CCDC88C: variants seen among roughly 807,000 people sequenced by gnomAD.
The protein encoded by CCDC88C is coiled-coil and HOOK domain protein 88C.
CCDC88C carries 131 observed loss-of-function variants against 198.8 expected under a neutral mutation model. The ratio of observed to expected loss-of-function variants is 0.66; its 90% CI spans 0.57 to 0.76. The LOEUF is 0.76. Ranked by LOEUF, CCDC88C falls within the 30% of genes least tolerant of loss-of-function variation. CCDC88C has a pLI of 0.00. For synonymous variants in CCDC88C, 1,166 were observed against 1,114.7 expected, an observed-to-expected ratio of 1.05 and a Z score of -0.92; for missense variants, 2,553 against 2,631.6, an observed-to-expected ratio of 0.97 and a Z score of 0.65.
chr14:91,387,186 G>A (rs1885198126), intron 3 of CCDC88C, among the ~76,000 whole-genome samples: 1 of 152,112 alleles, frequency 6.6e-6, no homozygotes, highest in East Asian at 1.9e-4. Flanking sequence ...CAACCACGGG[G>A]CTCTAAACAC....
chr14:91,343,088 G>A (rs568132347), intron 5 of CCDC88C, among the ~76,000 whole-genome samples: 12 of 152,232 alleles, frequency 7.9e-5, no homozygotes, highest in Admixed American at 3.9e-4. Flanking sequence ...CCGAGTAGCC[G>A]GGACTACAGG....
chr14:91,379,718 A>C, intron 3 of CCDC88C: 1 of 652,160 alleles, frequency 1.5e-6, no homozygotes, highest in Non-Finnish European at 2.8e-6. Flanking sequence ...AAGAGCCCAC[A>C]GTGATGGCCT....
chr14:91,302,843 T>C (rs1423951823), intron 20 of CCDC88C, among the ~76,000 whole-genome samples: 1 of 152,006 alleles, frequency 6.6e-6, no homozygotes, highest in Non-Finnish European at 1.5e-5. Context: ...AGAGAAGGCA[T>C]ACCCCTACAA....
At chr14:91,356,052 A>G (rs1477995893) in intron 4 of CCDC88C, among the ~76,000 whole-genome samples, 1 of 152,188 alleles carries the variant, frequency 6.6e-6, no homozygotes. Context: ...AAGCACACAC[A>G]TGCCCCACCC....
chr14:91,278,187 C>G lies in CCDC88C; in HGVS notation c.4793G>C (p.Arg1598Pro). The change falls in exon 29 of 30, where the codon CGG (arginine) becomes CCG (proline). Residue 1598 changes from arginine to proline, a missense_variant. Coordinates refer to ENST00000389857, the MANE Select transcript of CCDC88C (RefSeq NM_001080414.4). ...GTCTTCGCTGCTGAAGCTCTCAGAC[C>G]GGCCATGGAGCTGCTCGGAGGAGCC... ...LKGSSEQLHGRSESFSSEDLI... is the reference protein window; with the variant it reads ...LKGSSEQLHGPSESFSSEDLI... 2 of 1,608,956 alleles carry G rather than the reference C, an allele frequency of 1.2e-6. No individual in the cohort carries two copies. The highest frequency in any genetic ancestry group is 1.7e-6 in the Non-Finnish European group (2 of 1,177,072).
At chr14:91,354,262 C>T (rs1403202357) in intron 4 of CCDC88C, among the ~76,000 whole-genome samples, 3 of 152,216 alleles carry the variant, frequency 2.0e-5, no homozygotes, top group African/African-American at 7.2e-5. Context: ...AAGTAATTTG[C>T]TAACACCCTG....
chr14:91,294,949 C>T (rs867941648), intron 22 of CCDC88C, among the ~76,000 whole-genome samples: 26 of 152,336 alleles, frequency 1.7e-4, no homozygotes, highest in African/African-American at 5.3e-4. Context: ...TGAACCACCG[C>T]GCCTGGCCTG....
In CCDC88C at chr14:91,277,098, T is replaced by G. The variant is rs1223196727; in HGVS notation, c.5058+824A>C. On this transcript the variant is annotated intron_variant, in intron 29 of 29. Transcript: ENST00000389857. ...GATTCTCCTGCCTCAGCCTCCCGAGTAGTTGGGGTTAAAGGCACCTGCCAC... is the reference window on the plus strand; with the variant it reads ...GATTCTCCTGCCTCAGCCTCCCGAGGAGTTGGGGTTAAAGGCACCTGCCAC... Among the ~76,000 whole-genome samples, 5 of 152,028 alleles carry G rather than the reference T, an allele frequency of 3.3e-5. No homozygotes were observed. The South Asian group carries it at 1.0e-3, about 32-fold the overall frequency.
rs778571700 is a variant in CCDC88C, at chr14:91,308,402, C to T, written c.2955G>A (p.Gln985=). 15 of 1,613,926 alleles carry T rather than the reference C, an allele frequency of 9.3e-6. No individual in the cohort carries two copies. ...GATTTAGGCTCGCTTTCTCTTCCAT[C>T]TGTGCTTCTAAGAGCACAATCTTTT... ...KEEKIVLLEA[Q]MEEKASLNRQ... Residue 985 remains glutamine, a synonymous_variant, in exon 17 of 30, where the codon CAG becomes CAA. Coordinates refer to ENST00000389857, the MANE Select transcript of CCDC88C (RefSeq NM_001080414.4).
At chr14:91,379,247 A>G (rs886428542) in intron 3 of CCDC88C, 3 of 152,526 alleles carry the variant, frequency 2.0e-5, no homozygotes, top group African/African-American at 7.2e-5. Flanking sequence ...AATGTGTGGA[A>G]AGGCTGGGTC....
In CCDC88C at chr14:91,283,547, G is replaced by C. The variant is rs1216923828; in HGVS notation, c.4442-30C>G. The C allele has an allele frequency of 1.9e-6, 3 of 1,585,842 alleles. No homozygotes were observed. In the South Asian group the frequency reaches 3.4e-5, roughly 18 times the overall value. On this transcript the variant is annotated intron_variant, in intron 25 of 29. Transcript: ENST00000389857. ...GGCAGAAGAGGACATTGAGAAATGA[G>C]GCTGCCAAGTCCTGTACCCAGGCTG...
intron 1 of CCDC88C, 36 bp downstream of exon 1, chr14:91,417,595 G>A (rs1486369109): frequency 1.9e-6 from 3 of 1,564,222 alleles, no homozygotes; most frequent in East Asian, 2.4e-5. Flanking sequence ...AGAAGCCGGT[G>A]CACCAACAAA....
intron 24 of CCDC88C, 49 bp from the exon 25 acceptor site, chr14:91,289,392 C>G (rs757069014): frequency 4.6e-5 from 68 of 1,492,886 alleles, no homozygotes; most frequent in Non-Finnish European, 6.3e-5. Flanking sequence ...CCACACACCC[C>G]CAGTGGGTCC....
chr14:91,274,957 C>CA (rs1254879801), intron 29 of CCDC88C, among the ~76,000 whole-genome samples: 6 of 152,162 alleles, frequency 3.9e-5, no homozygotes, highest in Non-Finnish European at 8.8e-5. Flanking sequence ...CTTTGATACC[C>CA]ACCCTTCCTG....
chr14:91,312,792 CCA>C (rs1891893345), intron 15 of CCDC88C, among the ~76,000 whole-genome samples: 2 of 151,844 alleles, frequency 1.3e-5, no homozygotes, highest in African/African-American at 4.9e-5. Flanking sequence ...TTAATAAAAA[CCA>C]CAACAGCTCA....
chr14:91,273,203 C>T lies in CCDC88C; in HGVS notation c.5509G>A (p.Gly1837Ser), dbSNP rs1389781030. 1 of 1,571,470 alleles carries T rather than the reference C, an allele frequency of 6.4e-7. No individual in the cohort carries two copies. Among genetic ancestry groups the T allele is most frequent in the Admixed American group, 1.9e-5 (1 of 53,872 alleles). ...AGGGTGTGGCTGCCTGTCTCTCTGC[C>T]CCCTAAGGCCTCAGGAGCCCCCAGC... ...QKLGAPEALG[G>S]RETGSHTLQS... is the part of the protein sequence containing the mutation. Residue 1837 changes from glycine to serine, a missense_variant, in exon 30 of 30, where the codon GGC becomes AGC. Physicochemically the swap from Gly to Ser is moderately conservative, Grantham distance 56. Coordinates refer to ENST00000389857, the MANE Select transcript of CCDC88C (RefSeq NM_001080414.4). The surrounding 1 kb of genome is among the most constrained non-coding windows in gnomAD (Gnocchi z 5.6).
At chr14:91,316,691 C>T (rs140200384) in intron 13 of CCDC88C, among the ~76,000 whole-genome samples, 306 of 152,344 alleles carry the variant, frequency 2.0e-3, no homozygotes, top group Non-Finnish European at 3.9e-3. Flanking sequence ...GGTTAACAGG[C>T]ATGAGCCACT....
chr14:91,414,183 G>A (rs368186410), intron 2 of CCDC88C, among the ~76,000 whole-genome samples: 10 of 152,232 alleles, frequency 6.6e-5, no homozygotes, highest in Non-Finnish European at 1.0e-4. Context: ...TTTAGTTGGT[G>A]CCTCAAATCC....
At chr14:91,404,069 T>C (rs1237377284) in intron 3 of CCDC88C, among the ~76,000 whole-genome samples, 4 of 152,250 alleles carry the variant, frequency 2.6e-5, no homozygotes, top group Non-Finnish European at 5.9e-5. Context: ...CAGCCTTGCC[T>C]GTCCTCCAGG....
Sources: allele counts gnomAD v4.1 joint callset (sites outside exome capture counted in the v4.1 genomes callset), GRCh38; gene constraint gnomAD v4.1.1; non-coding constraint Gnocchi (gnomAD v3.1); transcripts MANE v1.5; gene names NCBI Gene and HGNC (gene_info 2026-07-23, HGNC 2026-07-21).